Variants in PTPRG observed in about 807,000 individuals in gnomAD.
PTPRG encodes receptor-type tyrosine-protein phosphatase gamma.
PTPRG carries 102 observed loss-of-function variants against 165.3 expected under a neutral mutation model. The ratio of observed to expected loss-of-function variants is 0.62; its 90% CI spans 0.53 to 0.73. The LOEUF is 0.73. Ranked by LOEUF, PTPRG falls within the 30% of genes least tolerant of loss-of-function variation. PTPRG has a pLI of 0.00. For missense variants in PTPRG, 1,866 were observed against 1,861.4 expected (o/e 1.00, Z -0.05); for synonymous variants, 675 against 669.5 (o/e 1.01, Z -0.13).
At chr3:62,168,914 A>T (rs1480235576) in intron 8 of PTPRG, among the ~76,000 whole-genome samples, 1 of 151,982 alleles carries the variant, frequency 6.6e-6, no homozygotes, top group Admixed American at 6.6e-5. Context: ...TCTCAGCAGG[A>T]TGTATAGGGA....
At chr3:61,831,413 C>T (rs1328363610) in intron 2 of PTPRG, among the ~76,000 whole-genome samples, 1 of 152,076 alleles carries the variant, frequency 6.6e-6, no homozygotes, top group Non-Finnish European at 1.5e-5. Flanking sequence ...ATAAATATAC[C>T]ACACACAGGA....
intron 16 of PTPRG, among the ~76,000 whole-genome samples, chr3:62,258,591 G>C (rs1053021035): frequency 4.6e-5 from 7 of 152,196 alleles, no homozygotes; most frequent in Non-Finnish European, 7.3e-5. Flanking sequence ...CGTAGTTTCA[G>C]AACTTTACTG....
At chr3:61,898,611 T>C (rs1575764573) in intron 2 of PTPRG, among the ~76,000 whole-genome samples, 3 of 152,346 alleles carry the variant, frequency 2.0e-5, no homozygotes, top group African/African-American at 4.8e-5. Context: ...ATAGGTTACA[T>C]TGCGTTGTTT....
intron 1 of PTPRG, among the ~76,000 whole-genome samples, chr3:61,616,376 T>C (rs181620990): frequency 1.3e-5 from 2 of 152,364 alleles, no homozygotes; most frequent in East Asian, 3.9e-4. Context: ...CATTAACATC[T>C]GTATGTCTGT....
intron 4 of PTPRG, among the ~76,000 whole-genome samples, chr3:62,030,150 T>C (rs1482415806): frequency 6.6e-6 from 1 of 152,150 alleles, no homozygotes; most frequent in Non-Finnish European, 1.5e-5. Flanking sequence ...CAGATAGGTG[T>C]TTTACATATA....
intron 2 of PTPRG, among the ~76,000 whole-genome samples, chr3:61,837,653 C>T (rs1344854135): frequency 2.0e-5 from 3 of 152,158 alleles, no homozygotes; most frequent in South Asian, 2.1e-4. Flanking sequence ...TGTCTGTACA[C>T]GTACACATGT....
chr3:62,263,224 C>A, intron 17 of PTPRG: 1 of 220,198 alleles, frequency 4.5e-6, no homozygotes, highest in South Asian at 9.0e-5. Flanking sequence ...TTGTTTTTAA[C>A]CTGTAAGGGC....
intron 2 of PTPRG, among the ~76,000 whole-genome samples, chr3:61,979,462 G>C (rs1179630350): frequency 6.6e-6 from 1 of 152,186 alleles, no homozygotes; most frequent in Non-Finnish European, 1.5e-5. Flanking sequence ...CTTGCACTAG[G>C]AAGAGAAATT....
intron 1 of PTPRG, among the ~76,000 whole-genome samples, chr3:61,615,120 C>T (rs1168152472): frequency 6.6e-6 from 1 of 152,224 alleles, no homozygotes; most frequent in Non-Finnish European, 1.5e-5. Context: ...TGTGTATTTC[C>T]TACAAACAAG....
intron 5 of PTPRG, among the ~76,000 whole-genome samples, chr3:62,113,655 G>C (rs1158759461): frequency 6.6e-6 from 1 of 152,184 alleles, no homozygotes; most frequent in African/African-American, 2.4e-5. Context: ...AGGAAAAGGG[G>C]ATCCTACCCT....
At chr3:61,663,195 A>G (rs1365906054) in intron 1 of PTPRG, among the ~76,000 whole-genome samples, 1 of 151,860 alleles carries the variant, frequency 6.6e-6, no homozygotes, top group African/African-American at 2.4e-5. Flanking sequence ...TAAAAGAGCA[A>G]TGTCGTTGGC....
intron 4 of PTPRG, among the ~76,000 whole-genome samples, chr3:62,036,535 C>T (rs1040512143): frequency 1.3e-5 from 2 of 152,136 alleles, no homozygotes; most frequent in Non-Finnish European, 2.9e-5. Context: ...TCATGAAATC[C>T]ACTCAAGAGT....
chr3:61,981,507 G>T (rs1575847411), intron 2 of PTPRG, among the ~76,000 whole-genome samples: 1 of 152,226 alleles, frequency 6.6e-6, no homozygotes, highest in Non-Finnish European at 1.5e-5. Context: ...GTATTTGGAT[G>T]TGTGTTCCTA....
intron 1 of PTPRG, among the ~76,000 whole-genome samples, chr3:61,743,844 G>A (rs79825822): frequency 1.1e-3 from 162 of 152,280 alleles, no homozygotes; most frequent in African/African-American, 3.7e-3. Flanking sequence ...ATTTTCATAA[G>A]CATGCTCCAT....
intron 1 of PTPRG, among the ~76,000 whole-genome samples, chr3:61,619,292 T>C (rs67908495): frequency 0.088 from 13,368 of 152,220 alleles, 710 homozygotes; most frequent in East Asian, 0.2. Context: ...TATGGAGTTC[T>C]ATATACATAC....
intron 2 of PTPRG, chr3:61,925,889 A>G (rs781199225): frequency 1.2e-5 from 6 of 498,834 alleles, no homozygotes; most frequent in African/African-American, 3.9e-5. Flanking sequence ...TGTTCCAACA[A>G]AATCCCTGTT....
At chr3:61,761,750 A>G (rs963525196) in intron 2 of PTPRG, among the ~76,000 whole-genome samples, 2 of 152,154 alleles carry the variant, frequency 1.3e-5, no homozygotes, top group African/African-American at 4.8e-5. Flanking sequence ...GTTGATCCAC[A>G]TTCTTCCAGC....
chr3:61,966,344 C>G (rs947763834), intron 2 of PTPRG, among the ~76,000 whole-genome samples: 7 of 152,112 alleles, frequency 4.6e-5, no homozygotes, highest in Admixed American at 6.5e-5. Flanking sequence ...CTTGAGACAC[C>G]TGAGATGTGG....
intron 5 of PTPRG, among the ~76,000 whole-genome samples, chr3:62,101,476 A>G (rs769304395): frequency 2.6e-5 from 4 of 152,218 alleles, no homozygotes; most frequent in African/African-American, 4.8e-5. Context: ...ATCAGTTTTG[A>G]TATGTTTAAT....
Sources: gnomAD v4.1 joint callset for allele counts (sites outside exome capture counted in the v4.1 genomes callset) on GRCh38, gnomAD v4.1.1 for gene constraint, MANE v1.5 for transcripts, NCBI Gene and HGNC (gene_info 2026-07-23, HGNC 2026-07-21) for gene names.